LPP: variants seen among roughly 807,000 people sequenced by gnomAD.
LPP encodes LIM domain containing preferred translocation partner in lipoma, also known as lipoma-preferred partner.
In LPP, 38 loss-of-function variants were observed where a neutral mutation model predicts 60.4. The ratio of observed to expected loss-of-function variants is 0.63; its 90% CI spans 0.49 to 0.83. LPP has a LOEUF of 0.83. LPP is among the 40% of genes least tolerant of loss of function. The pLI is 0.00. For missense variants in LPP, 902 were observed against 783.6 expected, an observed-to-expected ratio of 1.15 and a Z score of -1.80; for synonymous variants, 328 against 290.8, an observed-to-expected ratio of 1.13 and a Z score of -1.30.
intron 8 of LPP, among the ~76,000 whole-genome samples, chr3:188,740,585 A>T (rs942717502): frequency 6.6e-6 from 1 of 152,026 alleles, no homozygotes; most frequent in Admixed American, 6.6e-5. Flanking sequence ...TACTTTAAAT[A>T]TTTCAGGCAC....
chr3:188,306,979 C>A (rs1751737237), intron 2 of LPP, among the ~76,000 whole-genome samples: 1 of 152,174 alleles, frequency 6.6e-6, no homozygotes, highest in Admixed American at 6.5e-5. Context: ...CGTCTAAGGA[C>A]CAGATTTGGC....
chr3:188,374,638 C>G (rs1774381244), intron 3 of LPP, among the ~76,000 whole-genome samples: 1 of 152,164 alleles, frequency 6.6e-6, no homozygotes, highest in East Asian at 1.9e-4. Flanking sequence ...GATATACAAT[C>G]ATGTCGTCTG....
At chr3:188,753,276 C>T (rs1728676320) in intron 8 of LPP, among the ~76,000 whole-genome samples, 1 of 152,126 alleles carries the variant, frequency 6.6e-6, no homozygotes, top group Middle Eastern at 3.2e-3. Context: ...TAAAAATGCA[C>T]AATAATTTTC....
intron 6 of LPP, among the ~76,000 whole-genome samples, chr3:188,547,678 C>T (rs1360940493): frequency 6.6e-6 from 1 of 152,176 alleles, no homozygotes; most frequent in Non-Finnish European, 1.5e-5. Context: ...AATGACTGCT[C>T]TTAATTTTTA....
At chr3:188,395,573 A>G (rs1487980515) in intron 3 of LPP, among the ~76,000 whole-genome samples, 2 of 152,170 alleles carry the variant, frequency 1.3e-5, no homozygotes, top group African/African-American at 4.8e-5. Context: ...ATGTAATTAG[A>G]GAATCGGAGA....
intron 1 of LPP, among the ~76,000 whole-genome samples, chr3:188,199,839 C>T (rs1392203178): frequency 1.3e-5 from 2 of 151,908 alleles, no homozygotes; most frequent in African/African-American, 4.8e-5. Context: ...CTCAGCCTCC[C>T]GAGTAGCTGG....
rs774376575 is a variant in LPP, at chr3:188,341,734, G to A, written c.-10+15G>A. 49 of 974,652 alleles carry A rather than the reference G, an allele frequency of 5.0e-5. No homozygotes were observed. The highest frequency in any genetic ancestry group is 9.5e-5 in the South Asian group (2 of 21,054). The allele number at this position is 974,652 out of a possible 1,614,324, so 60.4% of individuals were successfully genotyped here. On this transcript the variant is annotated intron_variant, in intron 3 of 11. Transcript: ENST00000617246. ...AGCTATCTGAGGTAAGAGAGGAGGC[G>A]TGTCTTCTTGTTTATGAAATACTAA...
chr3:188,572,572 T>C lies in LPP; in HGVS notation c.430-36589T>C, dbSNP rs1336332884. ...GATTTGTAACTGTATCATTATGACT[T>C]ACTGAATTTCATTCAGTAAATATTG... On this transcript the variant is annotated intron_variant, in intron 6 of 11. Transcript: ENST00000617246. The surrounding 1 kb of genome is among the most constrained non-coding windows in gnomAD (Gnocchi z 4.1). Among the ~76,000 whole-genome samples the C allele has an allele frequency of 2.6e-5, 4 of 152,110 alleles. No individual in the cohort carries two copies. Among genetic ancestry groups the C allele is most frequent in the Non-Finnish European group, 5.9e-5 (4 of 68,008 alleles).
At chr3:188,400,372 C>T (rs1187834253) in intron 3 of LPP, among the ~76,000 whole-genome samples, 1 of 152,160 alleles carries the variant, frequency 6.6e-6, no homozygotes, top group Non-Finnish European at 1.5e-5. Flanking sequence ...CTCTTACAGT[C>T]TTACTTTCTT....
intron 4 of LPP, among the ~76,000 whole-genome samples, chr3:188,429,769 C>T (rs960112051): frequency 5.3e-5 from 8 of 152,020 alleles, no homozygotes; most frequent in South Asian, 2.1e-4. Flanking sequence ...GTAGTACATC[C>T]GGAAAGACCT....
In LPP at chr3:188,618,305, G is replaced by T. The variant is rs75910382; in HGVS notation, c.1113+8461G>T. Among the ~76,000 whole-genome samples the T allele has an allele frequency of 5.1e-3, 783 of 152,292 alleles. 1 individual carries two copies. Among genetic ancestry groups the T allele is most frequent in the Middle Eastern group, 0.01 (3 of 294 alleles). ...AATACAGTTTGGTTTATTTCAGAAGGTTGCTTCCTTAAAACAAAATTTTGA... is the reference window on the plus strand; with the variant it reads ...AATACAGTTTGGTTTATTTCAGAAGTTTGCTTCCTTAAAACAAAATTTTGA... On this transcript the variant is annotated intron_variant, in intron 7 of 11. Transcript: ENST00000617246.
intron 8 of LPP, chr3:188,711,105 T>C (rs903525575): frequency 3.9e-5 from 6 of 152,218 alleles, no homozygotes; most frequent in African/African-American, 9.6e-5. Context: ...ACATAAGATA[T>C]GCTCGTTAAA....
intron 3 of LPP, among the ~76,000 whole-genome samples, chr3:188,345,942 C>G (rs973726825): frequency 6.6e-6 from 1 of 152,206 alleles, no homozygotes; most frequent in Non-Finnish European, 1.5e-5. Flanking sequence ...GAATGCCTAA[C>G]TTTCCTCTGA....
intron 9 of LPP, among the ~76,000 whole-genome samples, chr3:188,817,352 C>A (rs1311879370): frequency 1.3e-5 from 2 of 152,186 alleles, no homozygotes; most frequent in Admixed American, 6.5e-5. Flanking sequence ...CAGTGACCTA[C>A]CAGATGACCT....
chr3:188,190,502 C>A (rs1727869801), intron 1 of LPP, among the ~76,000 whole-genome samples: 1 of 152,194 alleles, frequency 6.6e-6, no homozygotes, highest in South Asian at 2.1e-4. Flanking sequence ...TCTAACTGTG[C>A]CATGCTCTGT....
intron 2 of LPP, chr3:188,240,109 G>T: frequency 5.1e-6 from 1 of 194,380 alleles, no homozygotes; most frequent in Non-Finnish European, 1.1e-5. Flanking sequence ...GGATACATCT[G>T]TGACCTGGGA....
At chr3:188,863,971 AAAGTAAAAACCCACAGAGG>A (rs1254365523) in intron 9 of LPP, among the ~76,000 whole-genome samples, 1 of 151,712 alleles carries the variant, frequency 6.6e-6, no homozygotes, top group African/African-American at 2.4e-5. Context: ...AAAAAAAAAA[AAAGTAAAAACCCACAGAGG>A]AGCAAAACAC....
intron 6 of LPP, among the ~76,000 whole-genome samples, chr3:188,599,751 G>GGGTGTGT (rs374294307): frequency 1.4e-5 from 2 of 139,828 alleles, no homozygotes; most frequent in African/African-American, 5.4e-5. Context: ...ACTCGTTAGG[G>GGGTGTGT]GTGTGTGTGT....
intron 3 of LPP, among the ~76,000 whole-genome samples, chr3:188,395,365 C>A (rs975900608): frequency 1.3e-5 from 2 of 151,856 alleles, no homozygotes; most frequent in Admixed American, 1.3e-4. Flanking sequence ...ATTAGAGAGG[C>A]GAGCCACCAT....
Sources: allele counts gnomAD v4.1 joint callset (sites outside exome capture counted in the v4.1 genomes callset), GRCh38; gene constraint gnomAD v4.1.1; non-coding constraint Gnocchi (gnomAD v3.1); transcripts MANE v1.5; gene names NCBI Gene and HGNC (gene_info 2026-07-23, HGNC 2026-07-21).